The following PSME4 variants were observed in gnomAD, a reference collection of about 807,000 sequenced individuals.
PSME4 encodes the protein proteasome activator subunit 4.
PSME4 carries 89 observed loss-of-function variants against 253.9 expected under a neutral mutation model. That is an observed-to-expected ratio of 0.35 (90% CI 0.30 to 0.42). PSME4 has a LOEUF of 0.42. Among genes scored for constraint, PSME4 ranks in the 10% least tolerant of loss-of-function variants. The probability of loss-of-function intolerance (pLI) is 1.00; values close to 1 mark genes in which losing one functional copy is unlikely to be tolerated. For missense variants in PSME4, 2,014 were observed against 2,195.2 expected (o/e 0.92, Z 1.65); for synonymous variants, 851 against 759.2 (o/e 1.12, Z -1.99).
At chr2:53,882,101 A>C (rs900679859) in intron 41 of PSME4, among the ~76,000 whole-genome samples, 1 of 152,090 alleles carries the variant, frequency 6.6e-6, no homozygotes, top group Non-Finnish European at 1.5e-5. Flanking sequence ...GGATAGGATA[A>C]ATAAGATTTT....
chr2:53,963,829 T>C (rs892797213), intron 1 of PSME4, among the ~76,000 whole-genome samples: 2 of 152,190 alleles, frequency 1.3e-5, no homozygotes, highest in African/African-American at 2.4e-5. Context: ...AGTATTGGTA[T>C]TGCTTTTTTT....
At chr2:53,871,512 C>A (rs1678875049) in intron 43 of PSME4, among the ~76,000 whole-genome samples, 1 of 151,940 alleles carries the variant, frequency 6.6e-6, no homozygotes, top group Non-Finnish European at 1.5e-5. Context: ...CCTCGGCCTC[C>A]CAAAGTGCTG....
At chr2:53,948,042 G>A (rs1410482832) in intron 3 of PSME4, among the ~76,000 whole-genome samples, 3 of 152,052 alleles carry the variant, frequency 2.0e-5, no homozygotes, top group Non-Finnish European at 2.9e-5. Context: ...TAAGCCAAAC[G>A]TGCTAAAACT....
chr2:53,909,180 A>G (rs769666747), intron 21 of PSME4, among the ~76,000 whole-genome samples: 2 of 152,196 alleles, frequency 1.3e-5, no homozygotes. Flanking sequence ...CAAAGGCTCT[A>G]GTCACTAATT....
At chr2:53,936,601 T>A (rs1220048818) in intron 6 of PSME4, among the ~76,000 whole-genome samples, 163 bp downstream of exon 6, 1 of 151,834 alleles carries the variant, frequency 6.6e-6, no homozygotes, top group Admixed American at 6.6e-5. Flanking sequence ...TAATATAAAA[T>A]TGAAAAGAAA....
chr2:53,922,619 C>T (rs756223091), intron 16 of PSME4, 35 bp from the exon 17 acceptor site: 3 of 1,596,992 alleles, frequency 1.9e-6, no homozygotes, highest in Admixed American at 3.5e-5. Flanking sequence ...GGGGAAAAAC[C>T]TATGCATTCA....
rs1402156173 is a variant in PSME4 at position 53,895,733 on chromosome 2, C to T, written c.3692G>A (p.Gly1231Glu). ...KLTINPCEISGCPKPTQIIAG... is the reference protein window; with the variant it reads ...KLTINPCEISECPKPTQIIAG... ...AATAATTTGGGTGGGTTTAGGGCATCCACCTAAGGAAAAGACAATCACATT... is the reference window on the plus strand; with the variant it reads ...AATAATTTGGGTGGGTTTAGGGCATTCACCTAAGGAAAAGACAATCACATT... The change falls in exon 33 of 47, where the codon GGA (glycine) becomes GAA (glutamate). Residue 1231 changes from glycine (G) to glutamate (E), a missense_variant. Gly to Glu is a moderately conservative substitution (Grantham distance 98). Transcript: ENST00000404125. The T allele has an allele frequency of 1.9e-6, 3 of 1,581,004 alleles. No homozygotes were observed. The Admixed American group carries it at 6.0e-5, about 31-fold the overall frequency.
chr2:53,876,875 G>A (rs1205381223), intron 41 of PSME4, among the ~76,000 whole-genome samples: 1 of 151,244 alleles, frequency 6.6e-6, no homozygotes, highest in Non-Finnish European at 1.5e-5. Context: ...GCACCACCGT[G>A]TCCAGCTATT....
At position 53,908,821 on chromosome 2, in the gene PSME4, G is replaced by T. The variant is rs1322142845; in HGVS notation, c.2592C>A (p.His864Gln). ...GLEYDLSREN[H>Q]REVIATVIRK... The stretch of plus-strand genomic sequence containing the variant: ...TTATAACTGTAGCAATTACTTCTCG[G>T]TGGTTCTCTCGAGACAGATCTATTT... Residue 864 changes from histidine to glutamine, a missense_variant, in exon 22 of 47, where the codon CAC becomes CAA. By Grantham distance (24) the His-to-Gln change is conservative (BLOSUM62 0). Around this residue, in one of 4 missense-constraint regions of PSME4, gnomAD observed 989 missense variants for 1,021.1 expected, o/e 0.97. Transcript: ENST00000404125. 1.2e-6 allele frequency: 2 copies of T among 1,603,956 alleles called. No homozygotes were observed. Among genetic ancestry groups the T allele is most frequent in the Non-Finnish European group, 1.7e-6 (2 of 1,172,480 alleles).
intron 26 of PSME4, among the ~76,000 whole-genome samples, chr2:53,906,241 T>C (rs1195795774): frequency 6.6e-6 from 1 of 152,158 alleles, no homozygotes; most frequent in Admixed American, 6.5e-5. Context: ...GGCTTCAAAA[T>C]GTGATTGAAG....
At position 53,864,997 on chromosome 2, in the gene PSME4, GCA is replaced by G. The variant is rs1332552434; in HGVS notation, c.*579_*580del. 8.5e-5 allele frequency: 13 copies of G among 152,592 alleles called. No homozygotes were observed. The highest frequency in any genetic ancestry group is 8.5e-4 in the Admixed American group (13 of 15,266). The allele number at this position is 152,592 out of a possible 1,614,324, so 9.5% of individuals were successfully genotyped here. On this transcript the variant is annotated 3_prime_UTR_variant, in exon 47 of 47. Coordinates refer to ENST00000404125, the MANE Select transcript of PSME4 (RefSeq NM_014614.3). Reference sequence around the variant, plus strand: ...CCAAAAACTCCAGTCTGTGGGAAGTGCACAGACACAGACTTCACTTCTGTGTC... The same window carrying G: ...CCAAAAACTCCAGTCTGTGGGAAGTGCAGACACAGACTTCACTTCTGTGTC...
intron 1 of PSME4, among the ~76,000 whole-genome samples, chr2:53,953,509 A>G (rs1379682240): frequency 2.1e-5 from 3 of 141,662 alleles, no homozygotes; most frequent in East Asian, 4.1e-4. Flanking sequence ...AAAAAAAAAG[A>G]AAAAGAAGAA....
intron 19 of PSME4, among the ~76,000 whole-genome samples, chr2:53,919,569 G>A (rs147332656): frequency 6.6e-6 from 1 of 152,216 alleles, no homozygotes; most frequent in African/African-American, 2.4e-5. Flanking sequence ...TGCTACAGAA[G>A]ATCTTCCAGC....
chr2:53,918,548 C>T (rs1434695939), intron 20 of PSME4, among the ~76,000 whole-genome samples: 1 of 152,050 alleles, frequency 6.6e-6, no homozygotes. Context: ...GCCATGTCAT[C>T]CAGGCTGATC....
chr2:53,886,717 T>C (rs931484621), intron 40 of PSME4, among the ~76,000 whole-genome samples: 2 of 152,130 alleles, frequency 1.3e-5, no homozygotes, highest in African/African-American at 2.4e-5. Flanking sequence ...CCTAAAGAAC[T>C]GAAAGCAGGA....
chr2:53,928,770 C>T (rs1042617998), intron 10 of PSME4, among the ~76,000 whole-genome samples: 2 of 152,144 alleles, frequency 1.3e-5, no homozygotes, highest in Non-Finnish European at 2.9e-5. Context: ...CTACTGTACA[C>T]AAATAAAGGA....
At chr2:53,925,449 A>G (rs1341557548) in intron 14 of PSME4, 90 bp downstream of exon 14, 1 of 1,156,136 alleles carries the variant, frequency 8.6e-7, no homozygotes, top group African/African-American at 1.5e-5. Flanking sequence ...GATAAACTGC[A>G]TGATATACAC....
intron 20 of PSME4, among the ~76,000 whole-genome samples, chr2:53,912,929 CT>C (rs1667890563): frequency 1.3e-5 from 2 of 152,140 alleles, no homozygotes; most frequent in African/African-American, 4.8e-5. Context: ...TGCACATAAT[CT>C]TAAGTGAATA....
At chr2:53,940,948 T>TAAATATA (rs1553338406) in intron 3 of PSME4, among the ~76,000 whole-genome samples, 1 of 18,530 alleles carries the variant, frequency 5.4e-5, no homozygotes, top group Middle Eastern at 0.025. Context: ...TAAATATATA[T>TAAATATA]ATACATATAT....
Sources: gnomAD v4.1 joint callset for allele counts (sites outside exome capture counted in the v4.1 genomes callset) on GRCh38, gnomAD v4.1.1 for gene constraint, gnomAD v4.1.1 regional missense constraint, MANE v1.5 for transcripts, NCBI Gene and HGNC (gene_info 2026-07-23, HGNC 2026-07-21) for gene names.